Variants in GPC3 observed in about 807,000 individuals in gnomAD.
The protein encoded by GPC3 is glypican-3.
A neutral mutation model predicts 34.4 loss-of-function variants in GPC3; 3 were observed. The observed-to-expected ratio is 0.09, with a 90% CI of 0.04 to 0.23. GPC3 has a LOEUF of 0.23. Among genes scored for constraint, GPC3 ranks in the 10% least tolerant of loss-of-function variants. The probability of loss-of-function intolerance (pLI) is 1.00; values close to 1 mark genes in which losing one functional copy is unlikely to be tolerated. For synonymous variants in GPC3, 177 were observed against 174.0 expected, an observed-to-expected ratio of 1.02 and a Z score of -0.13; for missense variants, 351 against 445.6, an observed-to-expected ratio of 0.79 and a Z score of 1.91.
intron 2 of GPC3, among the ~76,000 whole-genome samples, chrX:133,949,539 T>C (rs1486221294): frequency 1.8e-5 from 2 of 110,873 alleles, no homozygotes; most frequent in Non-Finnish European, 1.9e-5. Context: ...ATGAAGAGAG[T>C]TCAAGTTGTG....
intron 2 of GPC3, among the ~76,000 whole-genome samples, chrX:133,845,554 T>G (rs777424927): frequency 9.0e-6 from 1 of 111,527 alleles, no homozygotes; most frequent in African/African-American, 3.3e-5. Flanking sequence ...CCCTCAGAAT[T>G]TTCTCTTGAG....
chrX:133,629,003 A>T (rs778602617), intron 6 of GPC3, among the ~76,000 whole-genome samples: 4 of 112,224 alleles, frequency 3.6e-5, no homozygotes, highest in Admixed American at 9.5e-5. Context: ...GTTACATTAC[A>T]CTTGTAATAT....
intron 6 of GPC3, among the ~76,000 whole-genome samples, chrX:133,637,928 C>G (rs992595076): frequency 9.0e-6 from 1 of 111,608 alleles, no homozygotes; most frequent in South Asian, 3.8e-4. Context: ...CAGGTGTGAG[C>G]CACCGTGCCT....
intron 3 of GPC3, among the ~76,000 whole-genome samples, chrX:133,728,822 T>C (rs984056787): frequency 1.2e-4 from 14 of 112,462 alleles, no homozygotes; most frequent in Admixed American, 6.6e-4. Flanking sequence ...CACCAGTGAC[T>C]TCACAGAGGC....
chrX:133,964,899 C>T (rs771370045), intron 1 of GPC3, among the ~76,000 whole-genome samples: 2 of 109,376 alleles, frequency 1.8e-5, no homozygotes, highest in African/African-American at 3.3e-5. Flanking sequence ...CCCACATCCC[C>T]CTCAGGAAGC....
intron 7 of GPC3, among the ~76,000 whole-genome samples, chrX:133,594,861 G>GT (rs369329335): frequency 1.0e-3 from 104 of 103,899 alleles, no homozygotes; most frequent in African/African-American, 2.1e-3. Context: ...TTCCATGTTA[G>GT]TTTTTTTTTT....
At chrX:133,786,593 C>G (rs2072104744) in intron 2 of GPC3, among the ~76,000 whole-genome samples, 1 of 111,645 alleles carries the variant, frequency 9.0e-6, no homozygotes, top group African/African-American at 3.3e-5. Flanking sequence ...CAGACTGGAG[C>G]CTGACATATG....
intron 2 of GPC3, among the ~76,000 whole-genome samples, chrX:133,791,814 TTCCTTCCTTCCTTC>T (rs2072163672): frequency 8.3e-5 from 2 of 23,962 alleles, no homozygotes; most frequent in Non-Finnish European, 3.8e-4. Context: ...CCTTCCTTCC[TTCCTTCCTTCCTTC>T]CTTCCTTCCT....
At chrX:133,899,578 A>G (rs746654529) in intron 2 of GPC3, among the ~76,000 whole-genome samples, 1 of 111,313 alleles carries the variant, frequency 9.0e-6, no homozygotes, top group Admixed American at 9.6e-5. Flanking sequence ...GATCCCAGAG[A>G]ACAGGGACTA....
At chrX:133,796,009 A>G (rs1445286280) in intron 2 of GPC3, among the ~76,000 whole-genome samples, 5 of 97,326 alleles carry the variant, frequency 5.1e-5, no homozygotes, top group Non-Finnish European at 6.1e-5. Flanking sequence ...GCAGTGGCGC[A>G]ATCTTGGCTC....
At chrX:133,869,021 C>A (rs1186780251) in intron 2 of GPC3, among the ~76,000 whole-genome samples, 1 of 112,181 alleles carries the variant, frequency 8.9e-6, no homozygotes, top group Admixed American at 9.4e-5. Flanking sequence ...AAACAGCTCT[C>A]ACAGATTTTC....
intron 2 of GPC3, among the ~76,000 whole-genome samples, chrX:133,836,304 G>A (rs985152984): frequency 1.8e-5 from 2 of 112,996 alleles, no homozygotes; most frequent in Non-Finnish European, 3.7e-5. Flanking sequence ...ATTTCAGATT[G>A]TACAGCTTGC....
intron 2 of GPC3, among the ~76,000 whole-genome samples, chrX:133,945,810 A>C (rs1298023609): frequency 9.0e-6 from 1 of 111,411 alleles, no homozygotes; most frequent in East Asian, 2.8e-4. Context: ...TAAACAATGA[A>C]ACTTAAGCTA....
At chrX:133,716,058 T>C (rs1227067436) in intron 3 of GPC3, among the ~76,000 whole-genome samples, 1 of 111,959 alleles carries the variant, frequency 8.9e-6, no homozygotes, top group Non-Finnish European at 1.9e-5. Context: ...ACCACTAAGC[T>C]AACTGAACAA....
chrX:133,832,107 C>T (rs2075778115), intron 2 of GPC3, among the ~76,000 whole-genome samples: 1 of 110,267 alleles, frequency 9.1e-6, no homozygotes, highest in Non-Finnish European at 1.9e-5. Flanking sequence ...TGGCAAAACC[C>T]CATATCTACT....
At chrX:133,687,619 G>T (rs1344892055) in intron 5 of GPC3, among the ~76,000 whole-genome samples, 1 of 108,888 alleles carries the variant, frequency 9.2e-6, no homozygotes, top group Non-Finnish European at 1.9e-5. Context: ...GTAGAGATGG[G>T]GTTTCACTAT....
intron 2 of GPC3, among the ~76,000 whole-genome samples, chrX:133,875,364 T>A (rs2076011710): frequency 8.9e-6 from 1 of 111,999 alleles, no homozygotes; most frequent in African/African-American, 3.2e-5. Flanking sequence ...GACACATTTT[T>A]AAATTTATTC....
At chrX:133,935,698 C>T (rs906160277) in intron 2 of GPC3, among the ~76,000 whole-genome samples, 2 of 110,694 alleles carry the variant, frequency 1.8e-5, no homozygotes, top group Non-Finnish European at 3.8e-5. Flanking sequence ...TTTTTCATGA[C>T]GTCTAGAGGA....
At chrX:133,697,997 G>A (rs1856999457) in intron 4 of GPC3, among the ~76,000 whole-genome samples, 1 of 112,258 alleles carries the variant, frequency 8.9e-6, no homozygotes, top group Admixed American at 9.4e-5. Context: ...AGGGTGGAGG[G>A]AACTGTGTGA....
Sources: gnomAD v4.1 joint callset for allele counts (sites outside exome capture counted in the v4.1 genomes callset) on GRCh38, gnomAD v4.1.1 for gene constraint, MANE v1.5 for transcripts, NCBI Gene and HGNC (gene_info 2026-07-23, HGNC 2026-07-21) for gene names.